The following PIR variants were observed in gnomAD, a reference collection of about 807,000 sequenced individuals.
PIR encodes the protein pirin.
A neutral mutation model predicts 24.2 loss-of-function variants in PIR; 22 were observed. The observed-to-expected ratio is 0.91, with a 90% CI of 0.65 to 1.30. The LOEUF is 1.30. Among genes scored for constraint, PIR ranks in the 50% most tolerant of loss-of-function variants. The pLI, the probability that PIR is intolerant of heterozygous loss-of-function variation, is 0.00. For synonymous variants in PIR, 80 were observed against 79.6 expected (o/e 1.00, Z -0.03); for missense variants, 220 against 220.3 (o/e 1.00, Z 0.01).
At chrX:15,447,915 C>T (rs751573239) in intron 5 of PIR, among the ~76,000 whole-genome samples, 1 of 111,655 alleles carries the variant, frequency 9.0e-6, no homozygotes, top group Non-Finnish European at 1.9e-5. Context: ...GTCTAAATTT[C>T]CCTGCTAAGT....
At chrX:15,401,398 G>A (rs1019248676) in intron 7 of PIR, among the ~76,000 whole-genome samples, 1 of 105,193 alleles carries the variant, frequency 9.5e-6, no homozygotes, top group African/African-American at 4.1e-5. Context: ...AGGGTTCCAG[G>A]TTAATAATAA....
chrX:15,406,812 C>T (rs1924562864), intron 7 of PIR, among the ~76,000 whole-genome samples: 1 of 111,661 alleles, frequency 9.0e-6, no homozygotes. Flanking sequence ...CTGCTGGGTT[C>T]GCTAAGGGAT....
intron 8 of PIR, among the ~76,000 whole-genome samples, chrX:15,396,897 T>C (rs190934389): frequency 0.024 from 2,644 of 111,211 alleles, 80 homozygotes; most frequent in African/African-American, 0.08. Flanking sequence ...CCTGCCACCA[T>C]GTCCGGCTAA....
chrX:15,396,299 A>G (rs1924133979), intron 8 of PIR, among the ~76,000 whole-genome samples: 2 of 111,359 alleles, frequency 1.8e-5, no homozygotes, highest in Admixed American at 9.6e-5. Context: ...CTCACAGTTC[A>G]TGGTGGTGCT....
At chrX:15,473,002 A>C (rs1363154578) in intron 3 of PIR, among the ~76,000 whole-genome samples, 1 of 112,689 alleles carries the variant, frequency 8.9e-6, no homozygotes, top group Admixed American at 9.4e-5. Context: ...TTTGCTTTTT[A>C]TATAAATGCT....
At chrX:15,475,767 G>GT (rs751356892) in intron 3 of PIR, among the ~76,000 whole-genome samples, 2 of 111,678 alleles carry the variant, frequency 1.8e-5, no homozygotes, top group Admixed American at 9.5e-5. Context: ...AAATGCAGAA[G>GT]TATTTCACCT....
At chrX:15,416,563 C>T (rs1267703471) in intron 6 of PIR, among the ~76,000 whole-genome samples, 1 of 111,758 alleles carries the variant, frequency 8.9e-6, no homozygotes, top group Non-Finnish European at 1.9e-5. Flanking sequence ...TGGAGGTCGA[C>T]TCTAAGACGT....
At chrX:15,402,023 T>G (rs1019809491) in intron 7 of PIR, among the ~76,000 whole-genome samples, 1 of 112,349 alleles carries the variant, frequency 8.9e-6, no homozygotes, top group African/African-American at 3.2e-5. Flanking sequence ...AACGAAAGCA[T>G]AAATGTGCAT....
At position 15,425,966 on chromosome X, in the gene PIR, T is replaced by C; in HGVS notation, c.505A>G (p.Thr169Ala). The part of the protein sequence containing the change: ...IKSKVYTRTP[T>A]LYLDFKLDPG... Reference sequence around the variant, plus strand: ...TCCAATTTGAAGTCCAAATATAAGGTTGGTGTGCGAGTGTAAACCTTGGAC... The same window carrying C: ...TCCAATTTGAAGTCCAAATATAAGGCTGGTGTGCGAGTGTAAACCTTGGAC... The change falls in exon 6 of 10, where the codon ACC becomes GCC. Residue 169 changes from threonine (T) to alanine (A), a missense_variant. Physicochemically the swap from Thr to Ala is moderately conservative, Grantham distance 58 (BLOSUM62 0). Transcript: ENST00000380420. The C allele has an allele frequency of 8.4e-7, 1 of 1,192,060 alleles. No homozygotes were observed. The highest frequency in any genetic ancestry group is 1.8e-5 in the South Asian group (1 of 56,519).
At chrX:15,405,601 T>C in intron 7 of PIR, among the ~76,000 whole-genome samples, 1 of 112,631 alleles carries the variant, frequency 8.9e-6, no homozygotes, top group Non-Finnish European at 1.9e-5. Flanking sequence ...TTTGTTGCTC[T>C]TGAAATCATA....
chrX:15,461,252 AC>A (rs1921286418), intron 3 of PIR, among the ~76,000 whole-genome samples: 1 of 112,046 alleles, frequency 8.9e-6, no homozygotes, highest in African/African-American at 3.3e-5. Context: ...AGGTCTCCAC[AC>A]CACCAAAAAG....
chrX:15,441,805 TGAA>T (rs1925924344), intron 5 of PIR, among the ~76,000 whole-genome samples: 1 of 111,598 alleles, frequency 9.0e-6, no homozygotes, highest in South Asian at 3.8e-4. Context: ...AGCCTGCCTC[TGAA>T]GAAGATGCCT....
At chrX:15,392,318 C>G (rs962620474) in intron 8 of PIR, among the ~76,000 whole-genome samples, 4 of 111,854 alleles carry the variant, frequency 3.6e-5, no homozygotes, top group African/African-American at 1.3e-4. Context: ...AAACAATAAA[C>G]AAAGCCAAAA....
chrX:15,410,600 C>G (rs1924711834), intron 6 of PIR, among the ~76,000 whole-genome samples: 1 of 111,918 alleles, frequency 8.9e-6, no homozygotes, highest in Non-Finnish European at 1.9e-5. Context: ...TTGCCTAGAT[C>G]TGTTTTTTTT....
At chrX:15,435,198 AAAAGAAAAAGAG>A (rs1925712495) in intron 5 of PIR, among the ~76,000 whole-genome samples, 1 of 111,143 alleles carries the variant, frequency 9.0e-6, no homozygotes, top group Non-Finnish European at 1.9e-5. Context: ...CTCTGTCAAA[AAAAGAAAAAGAG>A]AAAGAAAAGA....
At chrX:15,402,626 AT>A (rs1924426175) in intron 7 of PIR, among the ~76,000 whole-genome samples, 1 of 110,723 alleles carries the variant, frequency 9.0e-6, no homozygotes, top group South Asian at 3.9e-4. Context: ...CATTCTTTCT[AT>A]TTTTTTGTAC....
At chrX:15,457,368 T>C (rs1211287202) in intron 4 of PIR, among the ~76,000 whole-genome samples, 1 of 111,799 alleles carries the variant, frequency 8.9e-6, no homozygotes, top group African/African-American at 3.3e-5. Flanking sequence ...GAACTCACAG[T>C]TGGGCCAAAG....
intron 5 of PIR, among the ~76,000 whole-genome samples, chrX:15,451,246 G>C (rs973611270): frequency 5.4e-5 from 6 of 110,857 alleles, no homozygotes; most frequent in Admixed American, 1.9e-4. Flanking sequence ...GCCCTGAAAA[G>C]CCACATGGAA....
intron 2 of PIR, among the ~76,000 whole-genome samples, chrX:15,480,063 G>A (rs1474057545): frequency 8.9e-6 from 1 of 111,746 alleles, no homozygotes; most frequent in African/African-American, 3.3e-5. Context: ...GAGCAACTCA[G>A]TGGGAGATGA....
Sources: gnomAD v4.1 joint callset for allele counts (sites outside exome capture counted in the v4.1 genomes callset) on GRCh38, gnomAD v4.1.1 for gene constraint, MANE v1.5 for transcripts, NCBI Gene and HGNC (gene_info 2026-07-23, HGNC 2026-07-21) for gene names.